FBLN2: variants seen among roughly 807,000 people sequenced by gnomAD.
FBLN2 encodes the protein fibulin 2, also known as fibulin-2.
A neutral mutation model predicts 123.7 loss-of-function variants in FBLN2; 81 were observed. That is an observed-to-expected ratio of 0.65 (90% CI 0.55 to 0.79). The LOEUF (loss-of-function observed/expected upper bound fraction) is 0.79, where lower values mean the gene tolerates loss of function less well. Ranked by LOEUF, FBLN2 falls within the 30% of genes least tolerant of loss-of-function variation. The probability of loss-of-function intolerance (pLI) is 0.00; values close to 1 mark genes in which losing one functional copy is unlikely to be tolerated. For missense variants in FBLN2, 1,603 were observed against 1,681.3 expected, an observed-to-expected ratio of 0.95 and a Z score of 0.81; for synonymous variants, 699 against 701.4, an observed-to-expected ratio of 1.00 and a Z score of 0.05.
intron 1 of FBLN2, among the ~76,000 whole-genome samples, chr3:13,560,685 C>T (rs1470720070): frequency 6.6e-6 from 1 of 152,218 alleles, no homozygotes; most frequent in East Asian, 1.9e-4. Flanking sequence ...TTACTTTGCT[C>T]TGATAATTTG....
chr3:13,568,373 C>A (rs760947058), intron 1 of FBLN2, among the ~76,000 whole-genome samples: 3 of 152,244 alleles, frequency 2.0e-5, no homozygotes, highest in Non-Finnish European at 4.4e-5. Flanking sequence ...CCTGTGCCAC[C>A]ATCTCCTGCC....
intron 9 of FBLN2, among the ~76,000 whole-genome samples, chr3:13,623,215 C>T (rs565514485): frequency 1.3e-5 from 2 of 152,322 alleles, no homozygotes; most frequent in Non-Finnish European, 1.5e-5. Context: ...GGGTTGGGTC[C>T]GTGTGTGTAC....
chr3:13,585,926 G>A (rs142901109), intron 2 of FBLN2, among the ~76,000 whole-genome samples: 1 of 152,314 alleles, frequency 6.6e-6, no homozygotes, highest in Non-Finnish European at 1.5e-5. Flanking sequence ...TAGGCCTAGG[G>A]CACTACTGTG....
intron 2 of FBLN2, among the ~76,000 whole-genome samples, chr3:13,602,302 C>G (rs1705059093): frequency 6.6e-6 from 1 of 152,148 alleles, no homozygotes; most frequent in Admixed American, 6.5e-5. Context: ...CATTGAGCGC[C>G]TTGTCTTCTT....
intron 3 of FBLN2, among the ~76,000 whole-genome samples, chr3:13,609,256 C>G (rs968049817): frequency 1.3e-5 from 2 of 152,196 alleles, no homozygotes; most frequent in African/African-American, 4.8e-5. Flanking sequence ...GGGGTGGGGA[C>G]TCTGATGCCA....
At position 13,601,431 on chromosome 3, in the gene FBLN2, G is replaced by A. The variant is rs565851130; in HGVS notation, c.1307-6631G>A. On this transcript the variant is annotated intron_variant, in intron 2 of 17. Coordinates refer to ENST00000404922, the MANE Select transcript of FBLN2 (RefSeq NM_001004019.2). Reference sequence around the variant, plus strand: ...AGAGGGGACGAGACATTGAATGGTGGCGTCACTCTCAGTGACCACAGAGAC... The same window carrying A: ...AGAGGGGACGAGACATTGAATGGTGACGTCACTCTCAGTGACCACAGAGAC... 2.0e-5 allele frequency among the ~76,000 whole-genome samples: 3 copies of A among 152,336 alleles called. No individual in the cohort carries two copies. The South Asian group carries it at 6.2e-4, about 32-fold the overall frequency.
intron 2 of FBLN2, among the ~76,000 whole-genome samples, chr3:13,593,160 G>C (rs1375393255): frequency 6.6e-6 from 1 of 152,190 alleles, no homozygotes; most frequent in Non-Finnish European, 1.5e-5. Flanking sequence ...GCAAAGCATT[G>C]AGGTGATTTC....
rs1256810785 is a variant in FBLN2 at position 13,617,140 on chromosome 3, A to AT, written c.1730-935dup. ...TGTTCATTCATTTGCCCATCCATTC[A>AT]TCAATCCATCCATCCATCCATCCAT... is the stretch of plus-strand genomic sequence containing the variant. On this transcript the variant is annotated intron_variant, in intron 5 of 17. Transcript: ENST00000404922. Among the ~76,000 whole-genome samples, 128 of 121,950 alleles carry AT rather than the reference A, an allele frequency of 1.0e-3. 1 individual carries two copies. Among genetic ancestry groups the AT allele is most frequent in the African/African-American group, 8.0e-3 (117 of 14,630 alleles). 80.0% of individuals were successfully genotyped at this position (121,950 alleles called of 152,430 possible).
intron 2 of FBLN2, among the ~76,000 whole-genome samples, chr3:13,583,621 C>G (rs1704406863): frequency 6.6e-6 from 1 of 152,262 alleles, no homozygotes; most frequent in African/African-American, 2.4e-5. Flanking sequence ...GCCCCAACCC[C>G]TCAGGCCTCT....
chr3:13,576,995 A>T (rs1704167690), intron 2 of FBLN2, among the ~76,000 whole-genome samples: 10 of 152,122 alleles, frequency 6.6e-5, no homozygotes, highest in Admixed American at 5.2e-4. Flanking sequence ...AGGTGGGTGG[A>T]TGGATCACCT....
intron 5 of FBLN2, 107 bp from the exon 6 acceptor site, chr3:13,617,969 C>A: frequency 1.1e-6 from 1 of 941,312 alleles, no homozygotes; most frequent in Non-Finnish European, 1.7e-6. Flanking sequence ...GTCTGCTGGG[C>A]ACACAGAGGT....
At chr3:13,581,821 G>C (rs900613323) in intron 2 of FBLN2, among the ~76,000 whole-genome samples, 1 of 152,148 alleles carries the variant, frequency 6.6e-6, no homozygotes, top group East Asian at 1.9e-4. Flanking sequence ...CCTTCCCACC[G>C]TGGTGTCAAC....
chr3:13,609,679 T>TGGGGGTGGGGGGGGGGG, intron 4 of FBLN2, 37 bp downstream of exon 4: 1 of 80,284 alleles, frequency 1.2e-5, no homozygotes. Context: ...CAGGGTGGGG[T>TGGGGGTGGGGGGGGGGG]GGGGCGGGGC....
intron 1 of FBLN2, among the ~76,000 whole-genome samples, chr3:13,559,641 G>C (rs1703554655): frequency 6.6e-6 from 1 of 152,196 alleles, no homozygotes; most frequent in Non-Finnish European, 1.5e-5. Flanking sequence ...TTGGAAAGAG[G>C]CTGAATATGT....
chr3:13,556,371 G>A (rs973889923), intron 1 of FBLN2, among the ~76,000 whole-genome samples: 1 of 151,990 alleles, frequency 6.6e-6, no homozygotes, highest in Non-Finnish European at 1.5e-5. Flanking sequence ...AGGGAGGGAG[G>A]GAGGGAGAGC....
chr3:13,586,651 C>T (rs924901064), intron 2 of FBLN2, among the ~76,000 whole-genome samples: 32 of 148,570 alleles, frequency 2.2e-4, no homozygotes, highest in African/African-American at 7.6e-4. Context: ...GCGCATGGTG[C>T]CATGCCCAGC....
intron 8 of FBLN2, among the ~76,000 whole-genome samples, chr3:13,620,558 A>G (rs1195453702): frequency 6.6e-6 from 1 of 151,544 alleles, no homozygotes; most frequent in African/African-American, 2.4e-5. Context: ...GTGGGCCAGG[A>G]CCCCCCACTG....
chr3:13,612,294 C>CCTTCCTTTCTTTCTTTCTTTCTTT (rs1553620958), intron 4 of FBLN2, among the ~76,000 whole-genome samples: 3 of 117,344 alleles, frequency 2.6e-5, no homozygotes, highest in Admixed American at 8.5e-5. Context: ...CTTTTATTTT[C>CCTTCCTTTCTTTCTTTCTTTCTTT]CTTTCTTTCT....
chr3:13,595,476 T>C (rs1366018137), intron 2 of FBLN2, among the ~76,000 whole-genome samples: 1 of 151,274 alleles, frequency 6.6e-6, no homozygotes, highest in Non-Finnish European at 1.5e-5. Flanking sequence ...ACAGTCCTCA[T>C]AAAAAAAAAC....
Sources: allele counts gnomAD v4.1 joint callset (sites outside exome capture counted in the v4.1 genomes callset), GRCh38; gene constraint gnomAD v4.1.1; transcripts MANE v1.5; gene names NCBI Gene and HGNC (gene_info 2026-07-23, HGNC 2026-07-21).